PCDH15: variants seen among roughly 807,000 people sequenced by gnomAD.
PCDH15 encodes protocadherin related 15.
In PCDH15, 129 loss-of-function variants were observed where a neutral mutation model predicts 178.5. The observed-to-expected ratio is 0.72, with a 90% CI of 0.63 to 0.84. The LOEUF (loss-of-function observed/expected upper bound fraction) is 0.84. PCDH15 is among the 40% of genes least tolerant of loss of function. The pLI, the probability that PCDH15 is intolerant of heterozygous loss-of-function variation, is 0.00. For synonymous variants in PCDH15, 800 were observed against 732.0 expected, an observed-to-expected ratio of 1.09 and a Z score of -1.50; for missense variants, 2,230 against 2,099.9, an observed-to-expected ratio of 1.06 and a Z score of -1.21.
intron 2 of PCDH15, among the ~76,000 whole-genome samples, chr10:55,164,989 C>CATCTA (rs1839160504): frequency 2.0e-5 from 3 of 152,012 alleles, no homozygotes; most frequent in Admixed American, 2.0e-4. Context: ...ATCTATCCGT[C>CATCTA]ATCTATCCAT....
At chr10:55,210,246 T>C (rs1840522557) in intron 1 of PCDH15, among the ~76,000 whole-genome samples, 1 of 152,032 alleles carries the variant, frequency 6.6e-6, no homozygotes, top group Non-Finnish European at 1.5e-5. Context: ...GACAGAGTCA[T>C]GGGGCCACGA....
At chr10:55,483,589 A>T (rs1840231175) in intron 2 of PCDH15, among the ~76,000 whole-genome samples, 1 of 151,794 alleles carries the variant, frequency 6.6e-6, no homozygotes, top group African/African-American at 2.4e-5. Context: ...CAAAGATCTA[A>T]AGACTGAAAT....
chr10:55,042,591 C>G (rs892258555), intron 2 of PCDH15, among the ~76,000 whole-genome samples: 1 of 152,078 alleles, frequency 6.6e-6, no homozygotes, highest in African/African-American at 2.4e-5. Context: ...TCCACTCTGT[C>G]ATAAAATAAT....
intron 2 of PCDH15, among the ~76,000 whole-genome samples, chr10:54,941,085 G>C (rs1838051462): frequency 1.3e-5 from 2 of 151,834 alleles, no homozygotes; most frequent in South Asian, 4.2e-4. Flanking sequence ...TTTGGGTCTT[G>C]TGTTCTTTTT....
At chr10:53,998,065 T>A (rs137905414) in intron 20 of PCDH15, among the ~76,000 whole-genome samples, 4 of 152,280 alleles carry the variant, frequency 2.6e-5, no homozygotes, top group Non-Finnish European at 5.9e-5. Flanking sequence ...ATAAATCGGC[T>A]TCTGTGCAAA....
At chr10:53,991,122 G>C (rs1221481625) in intron 21 of PCDH15, among the ~76,000 whole-genome samples, 2 of 152,126 alleles carry the variant, frequency 1.3e-5, no homozygotes, top group Admixed American at 6.5e-5. Flanking sequence ...CGCAGCCCGA[G>C]TCTCCCCAAC....
chr10:55,509,783 GTAAGTTA>G (rs1338135740), intron 2 of PCDH15, among the ~76,000 whole-genome samples: 3 of 151,828 alleles, frequency 2.0e-5, no homozygotes, highest in Non-Finnish European at 4.4e-5. Context: ...TTCTAAACGT[GTAAGTTA>G]TACGTCAGCA....
intron 3 of PCDH15, among the ~76,000 whole-genome samples, chr10:54,828,702 T>C (rs1199289239): frequency 2.0e-5 from 3 of 152,056 alleles, no homozygotes. Context: ...GGCATGGCTC[T>C]ATGTGCTGGG....
At chr10:55,253,376 C>T (rs1331592655) in intron 1 of PCDH15, among the ~76,000 whole-genome samples, 1 of 152,006 alleles carries the variant, frequency 6.6e-6, no homozygotes, top group Admixed American at 6.6e-5. Context: ...ACCATCCTGT[C>T]GTTTCTCATA....
In PCDH15 at chr10:54,386,689, TAATC is replaced by T. The variant is rs577793699; in HGVS notation, c.158-7751_158-7748del. On this transcript the variant is annotated intron_variant, in intron 3 of 37. Transcript: ENST00000644397. ...TAGTTTTTCAAAGAAGATATACAAA[TAATC>T]AATAAACACACAGAAAGATGGTGAA... 1.3e-4 allele frequency among the ~76,000 whole-genome samples: 20 copies of T among 152,196 alleles called. No individual in the cohort carries two copies. The South Asian group carries it at 3.3e-3, about 25-fold the overall frequency.
At chr10:53,888,310 G>GTATATATACGTA (rs1554845230) in intron 26 of PCDH15, among the ~76,000 whole-genome samples, 1 of 28,712 alleles carries the variant, frequency 3.5e-5, no homozygotes, top group African/African-American at 9.0e-5. Context: ...ATATATATAT[G>GTATATATACGTA]TATATATGTA....
intron 2 of PCDH15, among the ~76,000 whole-genome samples, chr10:55,049,978 T>C (rs1338478340): frequency 6.6e-6 from 1 of 152,036 alleles, no homozygotes; most frequent in Non-Finnish European, 1.5e-5. Context: ...GCCTTTTGAA[T>C]GTATATTTTG....
intron 2 of PCDH15, among the ~76,000 whole-genome samples, chr10:54,591,226 A>C (rs996253931): frequency 6.6e-6 from 1 of 152,138 alleles, no homozygotes; most frequent in Non-Finnish European, 1.5e-5. Flanking sequence ...GACTTTGTAG[A>C]TGTGTTTAAA....
At chr10:54,316,857 C>T (rs1224934640) in intron 8 of PCDH15, among the ~76,000 whole-genome samples, 1 of 152,136 alleles carries the variant, frequency 6.6e-6, no homozygotes, top group African/African-American at 2.4e-5. Context: ...CAAACATAAT[C>T]TCCAATAACA....
rs180982135 is a variant in PCDH15 at position 54,550,282 on chromosome 10, T to C, written c.92-22405A>G. 2.7e-4 allele frequency among the ~76,000 whole-genome samples: 41 copies of C among 152,318 alleles called. 1 individual carries two copies. Among genetic ancestry groups the C allele is most frequent in the Admixed American group, 2.4e-3 (36 of 15,292 alleles). On this transcript the variant is annotated intron_variant, in intron 2 of 37. Coordinates refer to ENST00000644397, the MANE Select transcript of PCDH15 (RefSeq NM_001384140.1). Reference sequence around the variant, plus strand: ...TAAAATCCTGAAATAGGAAACCAACTGTTATTCTTACAACTTCCACTATGC... The same window carrying C: ...TAAAATCCTGAAATAGGAAACCAACCGTTATTCTTACAACTTCCACTATGC...
chr10:55,430,681 A>C (rs1453723757), intron 2 of PCDH15, among the ~76,000 whole-genome samples: 1 of 152,222 alleles, frequency 6.6e-6, no homozygotes, highest in Non-Finnish European at 1.5e-5. Flanking sequence ...ATAAAATAAA[A>C]AATGGCATAA....
At chr10:54,379,568 T>G (rs934726944) in intron 3 of PCDH15, among the ~76,000 whole-genome samples, 7 of 151,208 alleles carry the variant, frequency 4.6e-5, no homozygotes, top group African/African-American at 1.7e-4. Context: ...ATTTCAGTGA[T>G]TGCTTTCTTA....
At chr10:55,260,968 G>T (rs1842133860) in intron 1 of PCDH15, among the ~76,000 whole-genome samples, 10 of 152,070 alleles carry the variant, frequency 6.6e-5, no homozygotes, top group Admixed American at 6.5e-4. Flanking sequence ...AATCCTTTGG[G>T]CTTGTTAGCT....
chr10:53,884,193 G>C (rs1056267891), intron 26 of PCDH15, among the ~76,000 whole-genome samples: 77 of 152,140 alleles, frequency 5.1e-4, no homozygotes, highest in African/African-American at 1.8e-3. Flanking sequence ...CAACTACTGG[G>C]GCGATTAAAT....
Sources: allele counts gnomAD v4.1 joint callset (sites outside exome capture counted in the v4.1 genomes callset), GRCh38; gene constraint gnomAD v4.1.1; transcripts MANE v1.5; gene names NCBI Gene and HGNC (gene_info 2026-07-23, HGNC 2026-07-21).